DNAH14: variants seen among roughly 807,000 people sequenced by gnomAD.
DNAH14 encodes the protein dynein axonemal heavy chain 14.
A neutral mutation model predicts 520.9 loss-of-function variants in DNAH14; 478 were observed. The observed-to-expected ratio is 0.92, with a 90% confidence interval of 0.85 to 0.99. The LOEUF (loss-of-function observed/expected upper bound fraction) is 0.99, where lower values mean the gene tolerates loss of function less well. DNAH14 is among the 50% of genes least tolerant of loss of function. The pLI is 0.00. For missense variants in DNAH14, 4,831 were observed against 5,234.5 expected (o/e 0.92, Z 2.38); for synonymous variants, 1,581 against 1,757.2 (o/e 0.90, Z 2.51).
At chr1:225,006,728 C>G (rs1198147440) in intron 9 of DNAH14, among the ~76,000 whole-genome samples, 2 of 152,148 alleles carry the variant, frequency 1.3e-5, no homozygotes, top group Non-Finnish European at 2.9e-5. Flanking sequence ...ATCAGTAATT[C>G]TAATTTTGCC....
rs1316071706 is a variant in DNAH14, at chr1:225,007,394, T to C, written c.976-19T>C. 6 of 1,493,166 alleles carry C rather than the reference T, an allele frequency of 4.0e-6. No homozygotes were observed. The Admixed American group carries it at 1.4e-4, about 34-fold the overall frequency. 92.5% of individuals were successfully genotyped at this position (1,493,166 alleles called of 1,614,324 possible). A position where few individuals can be genotyped will look rare whatever the true frequency, so the allele number is the denominator to read the frequency against. ...AATTTTGACTTTCTAACACTGAACA[T>C]TTACTATCATCTAATTAGCTGGATA... On this transcript the variant is annotated intron_variant, in intron 9 of 85. Coordinates refer to ENST00000682510, the MANE Select transcript of DNAH14 (RefSeq NM_001367479.1).
chr1:225,142,422 A>G (rs977346717), intron 28 of DNAH14, among the ~76,000 whole-genome samples: 14 of 152,170 alleles, frequency 9.2e-5, no homozygotes, highest in African/African-American at 3.4e-4. Context: ...TAGCAGCTCA[A>G]AATAGTTCCG....
chr1:225,267,274 CTA>C (rs1170603343), intron 49 of DNAH14, among the ~76,000 whole-genome samples: 2 of 150,614 alleles, frequency 1.3e-5, no homozygotes, highest in Non-Finnish European at 3.0e-5. Context: ...TACATTGAAC[CTA>C]AATCAGAATG....
intron 1 of DNAH14, among the ~76,000 whole-genome samples, chr1:224,938,676 A>G (rs1255695680): frequency 1.3e-5 from 2 of 152,238 alleles, no homozygotes; most frequent in African/African-American, 4.8e-5. Context: ...GTGATCCAGC[A>G]ATTCCACTAC....
At chr1:225,034,530 T>C (rs1258880820) in intron 11 of DNAH14, among the ~76,000 whole-genome samples, 1 of 149,834 alleles carries the variant, frequency 6.7e-6, no homozygotes, top group Non-Finnish European at 1.5e-5. Context: ...TGTGTGTGTG[T>C]GTGTGTGTGT....
At position 225,168,629 on chromosome 1, in the gene DNAH14, G is replaced by C. The variant is rs6674818; in HGVS notation, c.5535+601G>C. ...GGGGCGCCTGCTATTGCTGAGGCTT[G>C]AGCAGGTAAACAAAGCGGCCTGGAA... On this transcript the variant is annotated intron_variant, in intron 36 of 85. Coordinates refer to ENST00000682510, the MANE Select transcript of DNAH14 (RefSeq NM_001367479.1). Among the ~76,000 whole-genome samples, 920 of 152,324 alleles carry C rather than the reference G, an allele frequency of 6.0e-3. 2 individuals carry two copies. The highest frequency in any genetic ancestry group is 0.02 in the African/African-American group (852 of 41,582).
At position 225,265,369 on chromosome 1, in the gene DNAH14, G is replaced by C. The variant is rs1049860018; in HGVS notation, c.7410G>C (p.Arg2470=). The C allele has an allele frequency of 5.8e-5, 89 of 1,530,580 alleles. No individual in the cohort carries two copies. The highest frequency in any genetic ancestry group is 1.6e-4 in the Admixed American group (7 of 44,718). 94.8% of individuals were successfully genotyped at this position (1,530,580 alleles called of 1,614,324 possible). A position where few individuals can be genotyped will look rare whatever the true frequency, so the allele number is the denominator to read the frequency against. The change falls in exon 48 of 86, where the codon CGG becomes CGC. Residue 2470 remains arginine, a splice_region_variant and synonymous_variant. Transcript: ENST00000682510. The part of the protein sequence containing the change: ...KDTLGAPKNN[R]ILIFIDDMNM... The stretch of plus-strand genomic sequence containing the variant: ...CTCTTGGAGCACCAAAAAACAACCG[G>C]GTAAAACACCTCTCATACCTGTTCA...
intron 69 of DNAH14, among the ~76,000 whole-genome samples, chr1:225,342,516 C>G (rs556605267): frequency 6.6e-6 from 1 of 152,122 alleles, no homozygotes; most frequent in East Asian, 1.9e-4. Context: ...CTTTCATCAT[C>G]TTTTCTTATA....
At chr1:225,307,099 C>T (rs1049484640) in intron 58 of DNAH14, among the ~76,000 whole-genome samples, 1 of 152,090 alleles carries the variant, frequency 6.6e-6, no homozygotes, top group African/African-American at 2.4e-5. Flanking sequence ...TAAGTGTGCT[C>T]CAGTGGGAGC....
intron 11 of DNAH14, chr1:225,024,171 C>A: frequency 1.0e-6 from 1 of 988,582 alleles, no homozygotes; most frequent in Non-Finnish European, 1.2e-6. Flanking sequence ...GATAATTTAG[C>A]AAATATATTT....
chr1:224,929,658 C>T (rs1034453152), upstream of DNAH14: 14 of 702,344 alleles, frequency 2.0e-5, no homozygotes, highest in Non-Finnish European at 2.9e-5. Context: ...TTCGCCAGGG[C>T]GCAGGCGTGG....
At chr1:225,121,290 C>T (rs576281310) in intron 26 of DNAH14, among the ~76,000 whole-genome samples, 5 of 151,990 alleles carry the variant, frequency 3.3e-5, no homozygotes, top group Admixed American at 6.6e-5. Flanking sequence ...TTAGCTATTG[C>T]GAAACATACA....
chr1:225,107,955 G>T (rs762588381), intron 23 of DNAH14, among the ~76,000 whole-genome samples: 11 of 152,106 alleles, frequency 7.2e-5, no homozygotes, highest in Non-Finnish European at 1.3e-4. Context: ...AACTTTACTG[G>T]ATTAAAGGAT....
chr1:225,043,812 A>G, intron 14 of DNAH14, 23 bp downstream of exon 14: 1 of 1,458,810 alleles, frequency 6.9e-7, no homozygotes, highest in Non-Finnish European at 9.4e-7. Flanking sequence ...CATTTTAAAA[A>G]TTACGAGTAA....
chr1:225,309,891 G>C lies in DNAH14; in HGVS notation c.9240+1481G>C, dbSNP rs560962151. On this transcript the variant is annotated intron_variant, in intron 60 of 85. Transcript: ENST00000682510. ...CTGGTGAGAGAGCAAGACTCGGAGG[G>C]GGGAGGGATAGCATTAGGAGATATA... 1.3e-3 allele frequency among the ~76,000 whole-genome samples: 204 copies of C among 152,064 alleles called. 1 individual carries two copies. Among genetic ancestry groups the C allele is most frequent in the African/African-American group, 4.5e-3 (187 of 41,494 alleles).
intron 35 of DNAH14, 28 bp downstream of exon 35, chr1:225,159,513 A>G (rs1473867731): frequency 2.0e-5 from 30 of 1,479,198 alleles, no homozygotes; most frequent in Non-Finnish European, 2.7e-5. Flanking sequence ...AATCATCACC[A>G]ATTATTTGGA....
Position 225,232,034 on chromosome 1 carries a change from T to C in DNAH14, c.6518+883T>C, listed in dbSNP as rs2091174946. ...GTATTCTCTCCTAGATCTCAGGGTA[T>C]CCTATCATCTGAGATAACTACTATT... On this transcript the variant is annotated intron_variant, in intron 42 of 85. Coordinates refer to ENST00000682510, the MANE Select transcript of DNAH14 (RefSeq NM_001367479.1). This position sits in a 1 kb window ranked among gnomAD's most constrained non-coding sequence, Gnocchi z 4.2. Among the ~76,000 whole-genome samples, 1 of 152,176 alleles carries C rather than the reference T, an allele frequency of 6.6e-6. No homozygotes were observed.
chr1:225,208,425 A>G (rs1391802992), intron 41 of DNAH14, among the ~76,000 whole-genome samples: 1 of 152,222 alleles, frequency 6.6e-6, no homozygotes, highest in Non-Finnish European at 1.5e-5. Context: ...ACAGTCAAGG[A>G]ACTCTCAGAA....
At chr1:225,213,535 A>G (rs1267410345) in intron 41 of DNAH14, among the ~76,000 whole-genome samples, 3 of 152,206 alleles carry the variant, frequency 2.0e-5, no homozygotes, top group Non-Finnish European at 4.4e-5. Context: ...CTTCCTTTCC[A>G]TGAGCATGAG....
Sources: gnomAD v4.1 joint callset for allele counts (sites outside exome capture counted in the v4.1 genomes callset) on GRCh38, gnomAD v4.1.1 for gene constraint, Gnocchi (gnomAD v3.1) non-coding constraint, MANE v1.5 for transcripts, NCBI Gene and HGNC (gene_info 2026-07-23, HGNC 2026-07-21) for gene names.